TMEM200A: variants seen among roughly 807,000 people sequenced by gnomAD.
The protein encoded by TMEM200A is transmembrane protein 200A.
In TMEM200A, 12 loss-of-function variants were observed where a neutral mutation model predicts 24.3. The observed-to-expected ratio is 0.49, with a 90% CI of 0.32 to 0.80. TMEM200A has a LOEUF of 0.80. Ranked by LOEUF, TMEM200A falls within the 30% of genes least tolerant of loss-of-function variation. The pLI, the probability that TMEM200A is intolerant of heterozygous loss-of-function variation, is 0.04. For missense variants in TMEM200A, 545 were observed against 614.4 expected, an observed-to-expected ratio of 0.89 and a Z score of 1.19; for synonymous variants, 224 against 224.4, an observed-to-expected ratio of 1.00 and a Z score of 0.02.
intron 2 of TMEM200A, among the ~76,000 whole-genome samples, chr6:130,402,089 T>G (rs772474317): frequency 5.3e-5 from 8 of 151,516 alleles, no homozygotes; most frequent in Non-Finnish European, 8.8e-5. Context: ...AAAAAAACCT[T>G]AAGGCTTTTG....
chr6:130,369,248 C>T (rs947016109), intron 1 of TMEM200A, among the ~76,000 whole-genome samples: 11 of 152,262 alleles, frequency 7.2e-5, no homozygotes, highest in East Asian at 5.8e-4. Flanking sequence ...TAACAACCCT[C>T]GGAAGTAATT....
intron 2 of TMEM200A, chr6:130,421,339 G>A (rs139587594): frequency 2.6e-5 from 4 of 152,100 alleles, no homozygotes; most frequent in Non-Finnish European, 4.4e-5. Flanking sequence ...CAAGACTCGC[G>A]GATGTTAGTT....
intron 2 of TMEM200A, among the ~76,000 whole-genome samples, chr6:130,397,134 A>G (rs895686928): frequency 1.3e-5 from 2 of 151,956 alleles, no homozygotes; most frequent in Non-Finnish European, 2.9e-5. Flanking sequence ...ACATGGTTAT[A>G]TCATCCATCC....
intron 1 of TMEM200A, among the ~76,000 whole-genome samples, chr6:130,379,848 A>G (rs911475037): frequency 1.3e-5 from 2 of 152,182 alleles, no homozygotes; most frequent in Non-Finnish European, 2.9e-5. Context: ...TGGAGAGAAT[A>G]AAGATTGAGA....
At position 130,403,198 on chromosome 6, in the gene TMEM200A, A is replaced by G. The variant is rs535664499; in HGVS notation, c.-17+17962A>G. 3.3e-5 allele frequency among the ~76,000 whole-genome samples: 5 copies of G among 152,246 alleles called. 1 individual carries two copies. In the South Asian group the frequency reaches 1.0e-3, roughly 32 times the overall value. On this transcript the variant is annotated intron_variant, in intron 2 of 2. Coordinates refer to ENST00000296978, the MANE Select transcript of TMEM200A (RefSeq NM_001258277.2). ...TCATTTGACTACATTAATGATCACT[A>G]ATTACTAAATTGAACTCTTTTGATA... is the stretch of plus-strand genomic sequence containing the variant.
At chr6:130,430,161 T>C (rs897771026) in intron 2 of TMEM200A, among the ~76,000 whole-genome samples, 1 of 152,172 alleles carries the variant, frequency 6.6e-6, no homozygotes, top group African/African-American at 2.4e-5. Context: ...TACCAGCAGA[T>C]TCAGTATCTA....
chr6:130,399,524 A>G (rs1411796592), intron 2 of TMEM200A, among the ~76,000 whole-genome samples: 1 of 151,934 alleles, frequency 6.6e-6, no homozygotes, highest in Admixed American at 6.6e-5. Context: ...AGCTCAATCC[A>G]GCCATTGAGC....
At position 130,440,512 on chromosome 6, in the gene TMEM200A, G is replaced by T; in HGVS notation, c.90G>T (p.Pro30=). 6.2e-7 allele frequency: 1 copy of T among 1,614,034 alleles called. No homozygotes were observed. Among genetic ancestry groups the T allele is most frequent in the Non-Finnish European group, 8.5e-7 (1 of 1,179,938 alleles). Residue 30 remains proline (P), a synonymous_variant, in exon 3 of 3, where the codon CCG becomes CCT. Transcript: ENST00000296978. ...ARSQQHVNLS[P]SPATQEKKPI... is the part of the protein sequence containing the mutation. ...CACAGCAGCATGTCAACCTCAGCCC[G>T]TCTCCTGCTACCCAAGAGAAGAAGC...
At position 130,441,155 on chromosome 6, in the gene TMEM200A, C is replaced by G; in HGVS notation, c.733C>G (p.Pro245Ala). The change falls in exon 3 of 3, where the codon CCT becomes GCT. Residue 245 changes from proline (P) to alanine (A), a missense_variant. Transcript: ENST00000296978. ...TAAGAGTTCTGGGCATCTTATGCCC[C>G]CTTTGCTCTCTGACAGCTCTGTGTC... ...EGKSSGHLMP[P>A]LLSDSSVSVF... 1 of 1,614,016 alleles carries G rather than the reference C, an allele frequency of 6.2e-7. No homozygotes were observed. Among genetic ancestry groups the G allele is most frequent in the South Asian group, 1.1e-5 (1 of 91,076 alleles).
chr6:130,377,143 A>G (rs561117299), intron 1 of TMEM200A, among the ~76,000 whole-genome samples: 1 of 152,342 alleles, frequency 6.6e-6, no homozygotes, highest in East Asian at 1.9e-4. Flanking sequence ...ATTGGGTAAT[A>G]CTTTAAGTAC....
At chr6:130,384,169 C>T (rs895499141) in intron 1 of TMEM200A, among the ~76,000 whole-genome samples, 7 of 152,088 alleles carry the variant, frequency 4.6e-5, no homozygotes, top group East Asian at 3.8e-4. Context: ...ACTTTCTCAA[C>T]GTTGTCAGTT....
rs1462426299 is a variant in TMEM200A at position 130,366,251 on chromosome 6, G to A, written c.-354G>A. 3.7e-5 allele frequency: 36 copies of A among 985,110 alleles called. No homozygotes were observed. The highest frequency in any genetic ancestry group is 4.3e-5 in the Non-Finnish European group (36 of 829,864). The allele number at this position is 985,110 out of a possible 1,614,324, so 61.0% of individuals were successfully genotyped here. On this transcript the variant is annotated 5_prime_UTR_variant, in exon 1 of 3. Transcript: ENST00000296978. The surrounding 1 kb of genome is among the most constrained non-coding windows in gnomAD (Gnocchi z 4.4). ...GAGGCCTCCGGTGCCCCCCCGGCGC[G>A]GGCATAGGGGCGCCCCCACCCTCCG...
chr6:130,439,593 G>T (rs940920012), intron 2 of TMEM200A: 1 of 152,226 alleles, frequency 6.6e-6, no homozygotes, highest in Non-Finnish European at 1.5e-5. Context: ...GGACTCATTA[G>T]CATCAAGGAA....
intron 2 of TMEM200A, among the ~76,000 whole-genome samples, chr6:130,401,673 T>G (rs928480517): frequency 9.2e-5 from 14 of 151,996 alleles, no homozygotes; most frequent in African/African-American, 2.9e-4. Flanking sequence ...AATTAAGTAT[T>G]GCAAGATTGT....
At chr6:130,407,167 G>A (rs1398429374) in intron 2 of TMEM200A, among the ~76,000 whole-genome samples, 1 of 152,098 alleles carries the variant, frequency 6.6e-6, no homozygotes, top group Non-Finnish European at 1.5e-5. Flanking sequence ...GTGAATGAGG[G>A]GGTGAGGGGA....
intron 2 of TMEM200A, 114 bp from the exon 3 acceptor site, chr6:130,440,293 C>T (rs1780123830): frequency 9.1e-7 from 1 of 1,103,338 alleles, no homozygotes. Context: ...CATTTAATCA[C>T]ATGAAACTGC....
chr6:130,415,579 G>A (rs985878796), intron 2 of TMEM200A, among the ~76,000 whole-genome samples: 1 of 152,070 alleles, frequency 6.6e-6, no homozygotes, highest in Non-Finnish European at 1.5e-5. Flanking sequence ...GGATGTGGGG[G>A]TCTCTTTGAG....
At chr6:130,385,028 TC>T (rs1778680810) in intron 1 of TMEM200A, 144 bp from the exon 2 acceptor site, 1 of 152,218 alleles carries the variant, frequency 6.6e-6, no homozygotes. Context: ...TCTAATATAT[TC>T]TTTTGGATAT....
At chr6:130,408,752 A>G (rs1209398510) in intron 2 of TMEM200A, among the ~76,000 whole-genome samples, 2 of 152,144 alleles carry the variant, frequency 1.3e-5, no homozygotes, top group Non-Finnish European at 2.9e-5. Context: ...TTCAAGTAGT[A>G]GAATGATATG....
Sources: gnomAD v4.1 joint callset for allele counts (sites outside exome capture counted in the v4.1 genomes callset) on GRCh38, gnomAD v4.1.1 for gene constraint, Gnocchi (gnomAD v3.1) non-coding constraint, MANE v1.5 for transcripts, NCBI Gene and HGNC (gene_info 2026-07-23, HGNC 2026-07-21) for gene names.